ANO6: variants seen among roughly 807,000 people sequenced by gnomAD.
ANO6 encodes anoctamin-6.
ANO6 carries 106 observed loss-of-function variants against 117.5 expected under a neutral mutation model. That is an observed-to-expected ratio of 0.90 (90% CI 0.77 to 1.06). The LOEUF is 1.06. Among genes scored for constraint, ANO6 ranks in the 50% least tolerant of loss-of-function variants. The pLI is 0.00. For missense variants in ANO6, 955 were observed against 1,121.1 expected (o/e 0.85, Z 2.12); for synonymous variants, 367 against 385.1 (o/e 0.95, Z 0.55).
chr12:45,228,186 G>C (rs1334995535), intron 1 of ANO6: 10 of 447,026 alleles, frequency 2.2e-5, no homozygotes, highest in African/African-American at 1.9e-4. Context: ...TGCAGTAGTG[G>C]AGTAGCGCAA....
chr12:45,343,551 T>C (rs1043481751), intron 3 of ANO6, among the ~76,000 whole-genome samples: 5 of 152,198 alleles, frequency 3.3e-5, no homozygotes, highest in Non-Finnish European at 7.4e-5. Context: ...TTTTAGGTTT[T>C]GGTCTAACAC....
chr12:45,290,511 C>T (rs1939059321), intron 1 of ANO6, among the ~76,000 whole-genome samples: 1 of 152,170 alleles, frequency 6.6e-6, no homozygotes, highest in South Asian at 2.1e-4. Context: ...CAGTTGCAAA[C>T]CCAGGATAAT....
At chr12:45,316,899 T>C (rs1446892159) in intron 2 of ANO6, among the ~76,000 whole-genome samples, 1 of 150,400 alleles carries the variant, frequency 6.6e-6, no homozygotes, top group Admixed American at 6.7e-5. Context: ...CCTCAGAGTT[T>C]TTTTTTAATG....
At chr12:45,300,003 A>G (rs1026928662) in intron 1 of ANO6, among the ~76,000 whole-genome samples, 1 of 152,156 alleles carries the variant, frequency 6.6e-6, no homozygotes, top group African/African-American at 2.4e-5. Flanking sequence ...ATCTCTTATG[A>G]TTCTGCCCTA....
At chr12:45,274,770 A>G (rs1304384088) in intron 1 of ANO6, among the ~76,000 whole-genome samples, 8 of 149,640 alleles carry the variant, frequency 5.3e-5, no homozygotes, top group East Asian at 2.0e-4. Flanking sequence ...GTCCCTTGAC[A>G]TGTCACTCCT....
At chr12:45,316,279 A>C (rs1014756418) in intron 2 of ANO6, among the ~76,000 whole-genome samples, 1 of 152,136 alleles carries the variant, frequency 6.6e-6, no homozygotes, top group African/African-American at 2.4e-5. Flanking sequence ...AAAGACAGAC[A>C]TTAATCAAAT....
rs1404953957 is a variant in ANO6 at position 45,312,808 on chromosome 12, C to T, written c.150+10715C>T. ...TTATAATAACTACCAAACAGCATCT[C>T]CATTAATTGTAATGGGCAAACCAAT... On this transcript the variant is annotated intron_variant, in intron 2 of 19. Coordinates refer to ENST00000320560, the MANE Select transcript of ANO6 (RefSeq NM_001025356.3). Among the ~76,000 whole-genome samples the T allele has an allele frequency of 2.6e-5, 4 of 151,986 alleles. No homozygotes were observed. In the East Asian group the frequency reaches 7.7e-4, roughly 29 times the overall value.
intron 18 of ANO6, 119 bp from the exon 19 acceptor site, chr12:45,422,838 T>TG: frequency 1.3e-6 from 1 of 786,466 alleles, no homozygotes; most frequent in Non-Finnish European, 2.2e-6. Context: ...CCTCCCAAAG[T>TG]GCTAGGATTA....
chr12:45,349,190 CAT>C (rs1297014475), intron 6 of ANO6, among the ~76,000 whole-genome samples: 3 of 152,170 alleles, frequency 2.0e-5, no homozygotes, highest in African/African-American at 7.2e-5. Flanking sequence ...CAGCAAAATA[CAT>C]GTTAGACCTT....
At chr12:45,216,464 G>C (rs991643827) in intron 1 of ANO6, 73 bp downstream of exon 1, 56 of 1,528,486 alleles carry the variant, frequency 3.7e-5, no homozygotes, top group Non-Finnish European at 1.1e-5. Context: ...GACTGCGCGG[G>C]GGCGCTGTGC....
chr12:45,370,791 C>G (rs1289795267), intron 9 of ANO6, among the ~76,000 whole-genome samples: 4 of 152,158 alleles, frequency 2.6e-5, no homozygotes, highest in Non-Finnish European at 2.9e-5. Flanking sequence ...AAGGATTGTT[C>G]CCCAGAGCAG....
At chr12:45,226,810 C>G (rs1253636052) in intron 1 of ANO6, among the ~76,000 whole-genome samples, 3 of 151,630 alleles carry the variant, frequency 2.0e-5, no homozygotes, top group Admixed American at 6.6e-5. Flanking sequence ...TACATTTTCT[C>G]TGCATATGAA....
intron 3 of ANO6, among the ~76,000 whole-genome samples, chr12:45,341,025 G>T (rs1337246322): frequency 6.6e-6 from 1 of 152,178 alleles, no homozygotes; most frequent in Non-Finnish European, 1.5e-5. Flanking sequence ...TCTTATTAAA[G>T]TAACACCAAG....
At chr12:45,256,746 G>T (rs1055997686) in intron 1 of ANO6, 1 of 152,058 alleles carries the variant, frequency 6.6e-6, no homozygotes, top group African/African-American at 2.4e-5. Context: ...AAAATAGATT[G>T]TTCTATTATC....
chr12:45,347,262 T>C, intron 4 of ANO6, 175 bp downstream of exon 4: 1 of 608,302 alleles, frequency 1.6e-6, no homozygotes, highest in Non-Finnish European at 2.9e-6. Flanking sequence ...TTTTTTCTGA[T>C]CAAAACTAGC....
chr12:45,295,304 A>G (rs1201411022), intron 1 of ANO6, among the ~76,000 whole-genome samples: 3 of 152,228 alleles, frequency 2.0e-5, no homozygotes, highest in African/African-American at 7.2e-5. Flanking sequence ...TAGGAAGTAG[A>G]ATTTCTCTCA....
chr12:45,375,708 G>C (rs947557796), intron 9 of ANO6, among the ~76,000 whole-genome samples: 1 of 151,686 alleles, frequency 6.6e-6, no homozygotes, highest in African/African-American at 2.4e-5. Context: ...ATCAATTCAA[G>C]ATGGATTAAA....
intron 1 of ANO6, among the ~76,000 whole-genome samples, chr12:45,249,228 A>G (rs1381407248): frequency 6.6e-6 from 1 of 152,242 alleles, no homozygotes; most frequent in African/African-American, 2.4e-5. Flanking sequence ...TTAAAGAAAC[A>G]GAATCACAAA....
intron 2 of ANO6, among the ~76,000 whole-genome samples, chr12:45,316,574 C>T (rs191253001): frequency 1.7e-4 from 26 of 152,128 alleles, no homozygotes; most frequent in African/African-American, 5.8e-4. Flanking sequence ...TTTCTGGAAA[C>T]GACTTAGTCT....
Sources: gnomAD v4.1 joint callset for allele counts (sites outside exome capture counted in the v4.1 genomes callset) on GRCh38, gnomAD v4.1.1 for gene constraint, MANE v1.5 for transcripts, NCBI Gene and HGNC (gene_info 2026-07-23, HGNC 2026-07-21) for gene names.